Variants in COL18A1 observed in about 807,000 individuals in gnomAD.
COL18A1 encodes collagen alpha-1(XVIII) chain.
COL18A1 carries 133 observed loss-of-function variants against 168.0 expected under a neutral mutation model. That is an observed-to-expected ratio of 0.79 (90% confidence interval 0.69 to 0.91). COL18A1 has a LOEUF of 0.91. Among genes scored for constraint, COL18A1 ranks in the 40% least tolerant of loss-of-function variants. The pLI is 0.00. For synonymous variants in COL18A1, 949 were observed against 809.0 expected, an observed-to-expected ratio of 1.17 and a Z score of -2.94; for missense variants, 2,126 against 1,925.4, an observed-to-expected ratio of 1.10 and a Z score of -1.95.
intron 2 of COL18A1, among the ~76,000 whole-genome samples, chr21:45,435,635 G>A (rs1414211049): frequency 1.3e-5 from 2 of 152,164 alleles, no homozygotes; most frequent in African/African-American, 4.8e-5. Flanking sequence ...GGGCAGAGGT[G>A]GGGTCAGGGA....
intron 40 of COL18A1, 149 bp downstream of exon 40, chr21:45,510,410 CCGGGTG>C: frequency 1.1e-6 from 1 of 900,782 alleles, no homozygotes; most frequent in South Asian, 1.5e-5. Context: ...AGGGCAGGCT[CCGGGTG>C]GGTCACACCC....
At position 45,507,555 on chromosome 21, in the gene COL18A1, T is replaced by A. The variant is rs368420980; in HGVS notation, c.3217-6T>A. ...GGTCCTGGGTGACCCTGCTGCTTTC[T>A]TCCAGCTGGAGGCCCGGACACCACT... is the stretch of plus-strand genomic sequence containing the variant. On this transcript the variant is annotated splice_polypyrimidine_tract_variant and splice_region_variant and intron_variant, in intron 37 of 41. Coordinates refer to ENST00000651438, the MANE Select transcript of COL18A1 (RefSeq NM_001379500.1). 4.4e-4 allele frequency: 711 copies of A among 1,612,050 alleles called. 3 individuals carry two copies. The Middle Eastern group carries it at 5.0e-3, about 11-fold the overall frequency.
intron 2 of COL18A1, among the ~76,000 whole-genome samples, chr21:45,446,589 A>G (rs1405104755): frequency 6.6e-6 from 1 of 152,226 alleles, no homozygotes; most frequent in East Asian, 1.9e-4. Context: ...AAGAATTAAA[A>G]CCAATTCTCA....
At chr21:45,484,685 T>C (rs1039004870) in intron 15 of COL18A1, among the ~76,000 whole-genome samples, 4 of 151,574 alleles carry the variant, frequency 2.6e-5, no homozygotes, top group African/African-American at 9.7e-5. Flanking sequence ...TATCTAGGTA[T>C]GTGCCCACGT....
intron 15 of COL18A1, among the ~76,000 whole-genome samples, chr21:45,484,559 A>T (rs1173258868): frequency 6.6e-6 from 1 of 152,210 alleles, no homozygotes; most frequent in Non-Finnish European, 1.5e-5. Flanking sequence ...CACAGCTCTC[A>T]TGTATGTGCA....
At position 45,497,071 on chromosome 21, in the gene COL18A1, C is replaced by T. The variant is rs1437717018; in HGVS notation, c.2599C>T (p.Pro867Ser). 7 of 1,601,676 alleles carry T rather than the reference C, an allele frequency of 4.4e-6. No individual in the cohort carries two copies. The highest frequency in any genetic ancestry group is 1.3e-5 in the African/African-American group (1 of 74,822). ...DSNVFAESSR[P>S]GPPGLPGNQG... ...GCAGGTGTTTGCTGAGTCCAGCCGCCCCGGGCCTCCAGGATTGCCAGGTGA... is the reference window on the plus strand; with the variant it reads ...GCAGGTGTTTGCTGAGTCCAGCCGCTCCGGGCCTCCAGGATTGCCAGGTGA... Residue 867 changes from proline (P) to serine (S), a missense_variant, in exon 31 of 42, where the codon CCC becomes TCC. Physicochemically the swap from Pro to Ser is moderately conservative, Grantham distance 74 (BLOSUM62 -1). Coordinates refer to ENST00000651438, the MANE Select transcript of COL18A1 (RefSeq NM_001379500.1).
intron 2 of COL18A1, among the ~76,000 whole-genome samples, chr21:45,450,243 G>A (rs534846384): frequency 2.0e-5 from 3 of 152,286 alleles, no homozygotes; most frequent in Admixed American, 6.5e-5. Flanking sequence ...GGGCTCGGGC[G>A]AGCATCTGGG....
At chr21:45,418,720 T>G (rs2033524358) in intron 2 of COL18A1, among the ~76,000 whole-genome samples, 2 of 150,342 alleles carry the variant, frequency 1.3e-5, no homozygotes, top group African/African-American at 2.4e-5. Flanking sequence ...CCACCTCACG[T>G]CACTTCCTGG....
rs201650968 is a variant in COL18A1 at position 45,496,089 on chromosome 21, T to TATGCCCTCC, written c.2509-391_2509-383dup. On this transcript the variant is annotated intron_variant, in intron 29 of 41. Coordinates refer to ENST00000651438, the MANE Select transcript of COL18A1 (RefSeq NM_001379500.1). ...CCTGGGCCATGCCCTCCATGCCCTC[T>TATGCCCTCC]ATGCCCTCCATGCCCTCCATGCCCT... 723 of 260,328 alleles carry TATGCCCTCC rather than the reference T, an allele frequency of 2.8e-3. 5 individuals carry two copies. Among genetic ancestry groups the TATGCCCTCC allele is most frequent in the African/African-American group, 0.015 (563 of 38,538 alleles). 16.1% of individuals were successfully genotyped at this position (260,328 alleles called of 1,614,324 possible). A position where few individuals can be genotyped will look rare whatever the true frequency, so the allele number is the denominator to read the frequency against.
At chr21:45,486,290 TCCTG>T (rs2036108589) in intron 15 of COL18A1, among the ~76,000 whole-genome samples, 1 of 135,696 alleles carries the variant, frequency 7.4e-6, no homozygotes, top group African/African-American at 2.9e-5. Flanking sequence ...GGTCCCAGGG[TCCTG>T]AGCCTCCTCT....
chr21:45,504,568 C>G lies in COL18A1; in HGVS notation c.2868+12C>G. ...ACCCTGGGATTCCAGTAAGTCCCAG[C>G]CTGTGCAGGCAGAGCCCATGTCCCA... On this transcript the variant is annotated intron_variant, in intron 34 of 41. Transcript: ENST00000651438. 6.4e-7 allele frequency: 1 copy of G among 1,565,322 alleles called. No individual in the cohort carries two copies.
At chr21:45,501,169 T>C (rs1222685317) in intron 32 of COL18A1, among the ~76,000 whole-genome samples, 1 of 151,948 alleles carries the variant, frequency 6.6e-6, no homozygotes, top group African/African-American at 2.4e-5. Flanking sequence ...AAAATAAATG[T>C]TCATTGAGAC....
At chr21:45,413,525 T>G (rs2033359293) in intron 2 of COL18A1, among the ~76,000 whole-genome samples, 1 of 152,272 alleles carries the variant, frequency 6.6e-6, no homozygotes, top group Admixed American at 6.5e-5. Context: ...AGGAGCTTTC[T>G]TGTGAAGAGG....
intron 41 of COL18A1, among the ~76,000 whole-genome samples, chr21:45,511,478 C>T (rs981940784): frequency 2.6e-5 from 4 of 152,110 alleles, no homozygotes; most frequent in Admixed American, 1.3e-4. Context: ...CTGCTCATGG[C>T]GGATAGACTC....
At chr21:45,505,787 G>GCC in intron 36 of COL18A1, 51 bp from the exon 37 acceptor site, 1 of 1,248,152 alleles carries the variant, frequency 8.0e-7, no homozygotes, top group Non-Finnish European at 1.1e-6. Flanking sequence ...TTCCGCCCCT[G>GCC]CCCCCCGCCC....
At chr21:45,508,406 AGATGAGTG>A (rs1416527474) in intron 38 of COL18A1, among the ~76,000 whole-genome samples, 9 of 131,390 alleles carry the variant, frequency 6.8e-5, no homozygotes, top group Admixed American at 6.8e-4. Context: ...GTGGATAGGT[AGATGAGTG>A]GATGAATGGG....
chr21:45,512,164 C>T (rs756312334), intron 41 of COL18A1, 24 bp from the exon 42 acceptor site: 1 of 1,601,738 alleles, frequency 6.2e-7, no homozygotes, highest in Non-Finnish European at 8.5e-7. Context: ...CTGGGTTTGA[C>T]TGACGGCCCG....
At chr21:45,436,818 G>A (rs2034114453) in intron 2 of COL18A1, among the ~76,000 whole-genome samples, 1 of 151,594 alleles carries the variant, frequency 6.6e-6, no homozygotes, top group South Asian at 2.1e-4. Context: ...GGCTACTGGG[G>A]AGCTGTGGCT....
chr21:45,483,610 C>A (rs2035973504), intron 15 of COL18A1, among the ~76,000 whole-genome samples: 2 of 152,196 alleles, frequency 1.3e-5, no homozygotes, highest in African/African-American at 2.4e-5. Context: ...CCCGGAGGTG[C>A]CCTCGAGGAT....
Sources: allele counts gnomAD v4.1 joint callset (sites outside exome capture counted in the v4.1 genomes callset), GRCh38; gene constraint gnomAD v4.1.1; transcripts MANE v1.5; gene names NCBI Gene and HGNC (gene_info 2026-07-23, HGNC 2026-07-21).